FHIT: variants seen among roughly 807,000 people sequenced by gnomAD.
The protein encoded by FHIT is bis(5'-adenosyl)-triphosphatase.
FHIT carries 19 observed loss-of-function variants against 17.9 expected under a neutral mutation model. The ratio of observed to expected loss-of-function variants is 1.06; its 90% CI spans 0.74 to 1.56. The LOEUF is 1.56. Ranked by LOEUF, FHIT falls within the 40% of genes most tolerant of loss-of-function variation. FHIT has a pLI of 0.00. For synonymous variants in FHIT, 81 were observed against 69.7 expected, an observed-to-expected ratio of 1.16 and a Z score of -0.81; for missense variants, 248 against 189.2, an observed-to-expected ratio of 1.31 and a Z score of -1.82.
intron 5 of FHIT, among the ~76,000 whole-genome samples, chr3:60,288,032 G>A (rs373329861): frequency 1.4e-4 from 21 of 152,220 alleles, no homozygotes; most frequent in African/African-American, 4.3e-4. Flanking sequence ...CAAGGTCTCT[G>A]GGAAACTGGA....
intron 5 of FHIT, among the ~76,000 whole-genome samples, chr3:60,330,190 C>T (rs530121288): frequency 1.3e-5 from 2 of 152,190 alleles, no homozygotes; most frequent in Non-Finnish European, 2.9e-5. Flanking sequence ...AAGCACATCA[C>T]TCAGACTGAC....
chr3:60,816,367 G>C (rs1468941346), intron 4 of FHIT, among the ~76,000 whole-genome samples: 4 of 152,022 alleles, frequency 2.6e-5, no homozygotes, highest in Non-Finnish European at 1.5e-5. Context: ...TATGATATTG[G>C]CTGTGGTTTT....
At chr3:60,369,938 A>C (rs76288502) in intron 5 of FHIT, among the ~76,000 whole-genome samples, 2,876 of 152,314 alleles carry the variant, frequency 0.019, 93 homozygotes, top group African/African-American at 0.065. Flanking sequence ...TTTTAAGCCA[A>C]AGAGAAAAAC....
At chr3:60,939,730 A>C (rs552290794) in intron 3 of FHIT, among the ~76,000 whole-genome samples, 4 of 152,184 alleles carry the variant, frequency 2.6e-5, no homozygotes, top group Admixed American at 2.0e-4. Context: ...AAACAAAATA[A>C]GTTGTAAAAA....
intron 2 of FHIT, among the ~76,000 whole-genome samples, chr3:61,083,645 A>G (rs112935343): frequency 6.6e-6 from 1 of 152,312 alleles, no homozygotes; most frequent in African/African-American, 2.4e-5. Context: ...TATTCCTCCC[A>G]ACACCTTCAC....
At chr3:60,276,851 C>G (rs970005229) in intron 5 of FHIT, among the ~76,000 whole-genome samples, 31 of 152,196 alleles carry the variant, frequency 2.0e-4, no homozygotes, top group Middle Eastern at 3.4e-3. Flanking sequence ...CTCTTTTAAA[C>G]AGCCAGATCT....
chr3:60,194,480 A>C lies in FHIT; in HGVS notation c.104-180328T>G, dbSNP rs567175380. Among the ~76,000 whole-genome samples, 3 of 152,294 alleles carry C rather than the reference A, an allele frequency of 2.0e-5. No individual in the cohort carries two copies. The South Asian group carries it at 6.2e-4, about 32-fold the overall frequency. ...TAAATCTAAGACATGAAACCATAAAAATCTTAGAAGAAAACCTAGGAAAAA... is the reference window on the plus strand; with the variant it reads ...TAAATCTAAGACATGAAACCATAAACATCTTAGAAGAAAACCTAGGAAAAA... On this transcript the variant is annotated intron_variant, in intron 5 of 9. Transcript: ENST00000492590.
At chr3:61,208,710 C>G (rs2039343701) in intron 1 of FHIT, among the ~76,000 whole-genome samples, 1 of 151,770 alleles carries the variant, frequency 6.6e-6, no homozygotes. Context: ...CTATGTGTGT[C>G]TCTGTACATG....
chr3:60,004,436 T>C (rs1276616218), intron 7 of FHIT, among the ~76,000 whole-genome samples: 2 of 152,178 alleles, frequency 1.3e-5, no homozygotes, highest in African/African-American at 2.4e-5. Context: ...AATTCTGCCA[T>C]AAATTGACAT....
In FHIT at chr3:59,899,577, T is replaced by A. The variant is rs142180455; in HGVS notation, c.348+22769A>T. Among the ~76,000 whole-genome samples, 1,275 of 152,160 alleles carry A rather than the reference T, an allele frequency of 8.4e-3. 15 individuals are homozygous for A. The highest frequency in any genetic ancestry group is 0.028 in the Admixed American group (420 of 15,266). Reference sequence around the variant, plus strand: ...GGCCAGGCGCAGTGGCTCACACCTATAATCCTAGCAGTTTGGGAGGCCGAG... The same window carrying A: ...GGCCAGGCGCAGTGGCTCACACCTAAAATCCTAGCAGTTTGGGAGGCCGAG... On this transcript the variant is annotated intron_variant, in intron 8 of 9. Coordinates refer to ENST00000492590, the MANE Select transcript of FHIT (RefSeq NM_002012.4).
At chr3:59,757,075 G>A (rs73092690) in intron 8 of FHIT, among the ~76,000 whole-genome samples, 17,230 of 152,126 alleles carry the variant, frequency 0.11, 1,046 homozygotes, top group South Asian at 0.23. Flanking sequence ...TAAGTTAAAT[G>A]TGACTCTGCT....
intron 5 of FHIT, among the ~76,000 whole-genome samples, chr3:60,493,098 G>A (rs190371626): frequency 4.7e-4 from 71 of 152,242 alleles, no homozygotes; most frequent in South Asian, 2.1e-4. Flanking sequence ...CTTACTTGTC[G>A]AGAAAAGGGC....
At chr3:60,451,873 C>G (rs1176656818) in intron 5 of FHIT, among the ~76,000 whole-genome samples, 2 of 152,114 alleles carry the variant, frequency 1.3e-5, no homozygotes, top group Admixed American at 6.6e-5. Flanking sequence ...AAAGTCCTAA[C>G]TATGAAGATG....
chr3:61,209,885 A>G (rs2039398735), intron 1 of FHIT, among the ~76,000 whole-genome samples: 1 of 151,874 alleles, frequency 6.6e-6, no homozygotes, highest in Non-Finnish European at 1.5e-5. Context: ...GAGGAGAGGC[A>G]CTCTGATTTT....
rs369040043 is a variant in FHIT at position 60,384,770 on chromosome 3, A to G, written c.103+152090T>C. 6.6e-5 allele frequency among the ~76,000 whole-genome samples: 10 copies of G among 152,184 alleles called. 1 individual carries two copies. Among genetic ancestry groups the G allele is most frequent in the South Asian group, 6.2e-4 (3 of 4,824 alleles). On this transcript the variant is annotated intron_variant, in intron 5 of 9. Coordinates refer to ENST00000492590, the MANE Select transcript of FHIT (RefSeq NM_002012.4). ...ATCATAGTATCTCTTCAACAGATAC[A>G]CTACAAAACTTTATCAGAAACACTA...
rs972765154 is a variant in FHIT at position 60,440,379 on chromosome 3, C to A, written c.103+96481G>T. On this transcript the variant is annotated intron_variant, in intron 5 of 9. Transcript: ENST00000492590. ...TGGTATATAAATGAAATCATTTACA[C>A]AGTGCCATTCTAATTTTGAAAGGAA... Among the ~76,000 whole-genome samples, 72 of 152,054 alleles carry A rather than the reference C, an allele frequency of 4.7e-4. 3 individuals are homozygous for A. The highest frequency in any genetic ancestry group is 5.9e-5 in the Non-Finnish European group (4 of 68,014).
intron 7 of FHIT, among the ~76,000 whole-genome samples, chr3:59,982,110 T>C (rs1708680971): frequency 6.6e-6 from 1 of 152,224 alleles, no homozygotes; most frequent in African/African-American, 2.4e-5. Context: ...AACAGAGCTC[T>C]TCGCGTTACA....
intron 5 of FHIT, among the ~76,000 whole-genome samples, chr3:60,443,906 A>G (rs2031118882): frequency 6.6e-6 from 1 of 152,166 alleles, no homozygotes; most frequent in Non-Finnish European, 1.5e-5. Flanking sequence ...TGAACAGGCA[A>G]CCTACAGAAT....
intron 5 of FHIT, among the ~76,000 whole-genome samples, chr3:60,488,919 G>A (rs753017000): frequency 6.6e-6 from 1 of 152,086 alleles, no homozygotes; most frequent in South Asian, 2.1e-4. Context: ...GACTGCAAAT[G>A]AACAAAATCT....
Sources: allele counts gnomAD v4.1 joint callset (sites outside exome capture counted in the v4.1 genomes callset), GRCh38; gene constraint gnomAD v4.1.1; transcripts MANE v1.5; gene names NCBI Gene and HGNC (gene_info 2026-07-23, HGNC 2026-07-21).